Variants in EIF2AK1 observed in about 807,000 individuals in gnomAD.
EIF2AK1 encodes the protein eukaryotic translation initiation factor 2-alpha kinase 1.
Under a neutral mutation model 77.9 loss-of-function variants are expected in EIF2AK1, and 54 were observed. That is an observed-to-expected ratio of 0.69 (90% CI 0.56 to 0.87). The LOEUF is 0.87. Ranked by LOEUF, EIF2AK1 falls within the 40% of genes least tolerant of loss-of-function variation. The probability of loss-of-function intolerance (pLI) is 0.00; values close to 1 mark genes in which losing one functional copy is unlikely to be tolerated. For missense variants in EIF2AK1, 810 were observed against 768.6 expected (o/e 1.05, Z -0.64); for synonymous variants, 314 against 290.5 (o/e 1.08, Z -0.82).
intron 7 of EIF2AK1, among the ~76,000 whole-genome samples, chr7:6,044,268 T>C (rs1167287473): frequency 6.6e-6 from 1 of 150,916 alleles, no homozygotes; most frequent in Non-Finnish European, 1.5e-5. Flanking sequence ...ATCGAGACCA[T>C]CCTGGCTAAC....
At chr7:6,034,114 G>A (rs1249284909) in intron 11 of EIF2AK1, among the ~76,000 whole-genome samples, 2 of 151,330 alleles carry the variant, frequency 1.3e-5, no homozygotes, top group South Asian at 2.1e-4. Context: ...TCAGGAGTTC[G>A]AGACCAGCCT....
Position 6,043,001 on chromosome 7 carries a change from A to C in EIF2AK1, c.731-8T>G. ...CAATGGCAGCTCTGTCTGCTGAATG[A>C]AAACAAACAACAATCATCTTCAAAC... On this transcript the variant is annotated splice_polypyrimidine_tract_variant and splice_region_variant and intron_variant, in intron 7 of 14. Coordinates refer to ENST00000199389, the MANE Select transcript of EIF2AK1 (RefSeq NM_014413.4). The C allele has an allele frequency of 6.2e-7, 1 of 1,613,970 alleles. No homozygotes were observed. The highest frequency in any genetic ancestry group is 8.5e-7 in the Non-Finnish European group (1 of 1,179,918).
At chr7:6,053,777 C>T (rs113272882) in intron 2 of EIF2AK1, among the ~76,000 whole-genome samples, 15 of 149,994 alleles carry the variant, frequency 1.0e-4, no homozygotes, top group African/African-American at 3.7e-4. Flanking sequence ...AAGCAATTCT[C>T]CTACCTCAGC....
Position 6,023,328 on chromosome 7 carries a change from C to T in EIF2AK1, c.*1345G>A, listed in dbSNP as rs1787580675. The stretch of plus-strand genomic sequence containing the variant: ...TGCCGAAGACGCAGATGAAATTCAG[C>T]ATCCAGACGATGTGCCCCATCGAAG... On this transcript the variant is annotated 3_prime_UTR_variant, in exon 15 of 15. Coordinates refer to ENST00000199389, the MANE Select transcript of EIF2AK1 (RefSeq NM_014413.4). 6.2e-7 allele frequency: 1 copy of T among 1,603,456 alleles called. No homozygotes were observed. The highest frequency in any genetic ancestry group is 1.3e-5 in the African/African-American group (1 of 74,212).
intron 12 of EIF2AK1, 42 bp from the exon 13 acceptor site, chr7:6,028,739 C>A: frequency 6.3e-7 from 1 of 1,579,802 alleles, no homozygotes. Context: ...GCAGTTAGCG[C>A]TGTCAACATT....
chr7:6,037,305 A>G, intron 11 of EIF2AK1, 119 bp downstream of exon 11: 1 of 676,894 alleles, frequency 1.5e-6, no homozygotes, highest in Non-Finnish European at 2.6e-6. Flanking sequence ...GACAGTAATT[A>G]TAACCTCCTA....
intron 11 of EIF2AK1, among the ~76,000 whole-genome samples, chr7:6,029,911 C>T (rs1238379443): frequency 6.6e-6 from 1 of 151,882 alleles, no homozygotes; most frequent in Non-Finnish European, 1.5e-5. Context: ...ACCTGGGAGG[C>T]AGAGGTTGCA....
chr7:6,036,393 A>C lies in EIF2AK1; in HGVS notation c.1332+1031T>G. ...CTTGGCATATACCTCTTGAAATAAG[A>C]CCTCCCAGTTTCACAGCAGAGGGAC... is the stretch of plus-strand genomic sequence containing the variant. On this transcript the variant is annotated intron_variant, in intron 11 of 14. Transcript: ENST00000199389. This position sits in a 1 kb window ranked among gnomAD's most constrained non-coding sequence, Gnocchi z 4.6. The C allele has an allele frequency of 1.4e-6, 2 of 1,447,376 alleles. No homozygotes were observed. Among genetic ancestry groups the C allele is most frequent in the Non-Finnish European group, 1.8e-6 (2 of 1,101,126 alleles). The allele number at this position is 1,447,376 out of a possible 1,614,324, so 89.7% of individuals were successfully genotyped here. A position where few individuals can be genotyped will look rare whatever the true frequency, so the allele number is the denominator to read the frequency against.
At chr7:6,024,826 T>G in intron 14 of EIF2AK1, 25 bp from the exon 15 acceptor site, 2 of 1,322,622 alleles carry the variant, frequency 1.5e-6, no homozygotes, top group Non-Finnish European at 2.0e-6. Flanking sequence ...TATTTTAAAC[T>G]CCATTAAAAT....
At chr7:6,050,084 T>A in intron 2 of EIF2AK1, 39 bp from the exon 3 acceptor site, 1 of 1,551,250 alleles carries the variant, frequency 6.4e-7, no homozygotes, top group South Asian at 1.2e-5. Flanking sequence ...TAGAAACATC[T>A]TTAATAAAAT....
In EIF2AK1 at chr7:6,041,062, C is replaced by A; in HGVS notation, c.949G>T (p.Gly317Cys). The A allele has an allele frequency of 1.2e-6, 2 of 1,614,082 alleles. No homozygotes were observed. Among genetic ancestry groups the A allele is most frequent in the Non-Finnish European group, 1.7e-6 (2 of 1,180,018 alleles). The change falls in exon 9 of 15, where the codon GGT becomes TGT. Residue 317 changes from glycine to cysteine, a missense_variant. This residue lies in a region of EIF2AK1 where 549 missense variants were observed against 533.7 expected (regional missense o/e 1.03). Coordinates refer to ENST00000199389, the MANE Select transcript of EIF2AK1 (RefSeq NM_014413.4). Reference protein sequence around the residue: ...YTTNLVIRESGELESTLELQE... With the variant: ...YTTNLVIRESCELESTLELQE... ...AGCTCCAGGGTCGACTCAAGTTCAC[C>A]AGATTCTCTTATGACTAAATTGGTG...
rs1788463403 is a variant in EIF2AK1 at position 6,046,974 on chromosome 7, A to C, written c.549+18T>G. On this transcript the variant is annotated intron_variant, in intron 5 of 14. Transcript: ENST00000199389. The stretch of plus-strand genomic sequence containing the variant: ...ATTATTTAGGGTAGTAGGTCAAAAC[A>C]AGTACGTGGAAGACAACCTTGTATA... 1 of 1,579,964 alleles carries C rather than the reference A, an allele frequency of 6.3e-7. No homozygotes were observed. The highest frequency in any genetic ancestry group is 8.6e-7 in the Non-Finnish European group (1 of 1,159,280).
At chr7:6,054,506 T>C (rs778931314) in intron 2 of EIF2AK1, 40 bp downstream of exon 2, 7 of 1,608,994 alleles carry the variant, frequency 4.4e-6, no homozygotes, top group Non-Finnish European at 6.0e-6. Flanking sequence ...GCCCAGCCTT[T>C]ACAAGCTTTA....
Position 6,024,615 on chromosome 7 carries a change from C to A in EIF2AK1, c.*58G>T. ...CAACGAAGCATTGTACCAACTATAC[C>A]CTAATAAAGATTAAAAATTTACATT... On this transcript the variant is annotated 3_prime_UTR_variant, in exon 15 of 15. Transcript: ENST00000199389. 6.2e-7 allele frequency: 1 copy of A among 1,609,704 alleles called. No individual in the cohort carries two copies. The highest frequency in any genetic ancestry group is 8.5e-7 in the Non-Finnish European group (1 of 1,178,524).
Position 6,042,949 on chromosome 7 carries a change from C to T in EIF2AK1, c.775G>A (p.Asp259Asn), listed in dbSNP as rs1350343892. 1.2e-5 allele frequency: 20 copies of T among 1,613,862 alleles called. No homozygotes were observed. The highest frequency in any genetic ancestry group is 8.0e-5 in the African/African-American group (6 of 74,890). Residue 259 changes from aspartate (D) to asparagine (N), a missense_variant, in exon 8 of 15, where the codon GAC becomes AAC. This residue lies in a region of EIF2AK1 where 549 missense variants were observed against 533.7 expected (regional missense o/e 1.03). Coordinates refer to ENST00000199389, the MANE Select transcript of EIF2AK1 (RefSeq NM_014413.4). ...AGGACATACCTGTCCTCTTCCTGGT[C>T]GGAGAGCACTTCCAGAGATGGCAAC... ...IELPSLEVLS[D>N]QEEDREQCGV...
Position 6,023,987 on chromosome 7 carries a change from A to G in EIF2AK1, c.*686T>C, listed in dbSNP as rs1242574287. 7.3e-7 allele frequency: 1 copy of G among 1,363,098 alleles called. No homozygotes were observed. The highest frequency in any genetic ancestry group is 4.2e-5 in the East Asian group (1 of 23,972). 84.4% of individuals were successfully genotyped at this position (1,363,098 alleles called of 1,614,324 possible). On this transcript the variant is annotated 3_prime_UTR_variant, in exon 15 of 15. Coordinates refer to ENST00000199389, the MANE Select transcript of EIF2AK1 (RefSeq NM_014413.4). ...CAGATTGGCTGGGGAGCTGAGTGCT[A>G]CAATAAAGGAGGAAGTACCGGGGAA...
At chr7:6,030,684 C>T (rs113359645) in intron 11 of EIF2AK1, among the ~76,000 whole-genome samples, 28 of 152,168 alleles carry the variant, frequency 1.8e-4, no homozygotes, top group Admixed American at 5.9e-4. Flanking sequence ...TTTTTAGTAG[C>T]GACAGGGTTT....
intron 11 of EIF2AK1, 72 bp from the exon 12 acceptor site, chr7:6,029,104 A>C (rs1787828906): frequency 3.1e-6 from 4 of 1,291,214 alleles, no homozygotes; most frequent in Non-Finnish European, 4.4e-6. Context: ...AAATGTTTTT[A>C]AGTGTTTGGA....
chr7:6,034,311 TA>T (rs1298129488), intron 11 of EIF2AK1, among the ~76,000 whole-genome samples: 2 of 151,568 alleles, frequency 1.3e-5, no homozygotes, highest in Non-Finnish European at 2.9e-5. Flanking sequence ...CATCTCAAAA[TA>T]ATAATAATAA....
Sources: allele counts gnomAD v4.1 joint callset (sites outside exome capture counted in the v4.1 genomes callset), GRCh38; gene constraint gnomAD v4.1.1; regional missense constraint gnomAD v4.1.1; non-coding constraint Gnocchi (gnomAD v3.1); transcripts MANE v1.5; gene names NCBI Gene and HGNC (gene_info 2026-07-23, HGNC 2026-07-21).